CNTN5: variants seen among roughly 807,000 people sequenced by gnomAD.
CNTN5 encodes contactin 5.
CNTN5 carries 77 observed loss-of-function variants against 129.1 expected under a neutral mutation model. The observed-to-expected ratio is 0.60, with a 90% CI of 0.50 to 0.72. The LOEUF is 0.72. CNTN5 is among the 30% of genes least tolerant of loss of function. CNTN5 has a pLI of 0.00. For missense variants in CNTN5, 1,478 were observed against 1,328.8 expected, an observed-to-expected ratio of 1.11 and a Z score of -1.75; for synonymous variants, 509 against 465.6, an observed-to-expected ratio of 1.09 and a Z score of -1.20.
chr11:99,052,936 C>T (rs1337661528), intron 1 of CNTN5, among the ~76,000 whole-genome samples: 2 of 151,774 alleles, frequency 1.3e-5, no homozygotes, highest in African/African-American at 2.4e-5. Context: ...GCAGCAACTA[C>T]AAATTAAACT....
intron 3 of CNTN5, among the ~76,000 whole-genome samples, chr11:99,770,296 A>G (rs74554076): frequency 0.012 from 1,760 of 152,262 alleles, 35 homozygotes; most frequent in African/African-American, 0.04. Flanking sequence ...ATACAAAGGT[A>G]CATTCAAAGA....
At chr11:99,571,709 G>T (rs1425565910) in intron 3 of CNTN5, among the ~76,000 whole-genome samples, 1 of 152,112 alleles carries the variant, frequency 6.6e-6, no homozygotes, top group Non-Finnish European at 1.5e-5. Context: ...AGGCAAAAAA[G>T]GTTTATCATA....
intron 3 of CNTN5, among the ~76,000 whole-genome samples, chr11:99,594,154 A>G (rs1950058682): frequency 6.6e-6 from 1 of 152,172 alleles, no homozygotes. Flanking sequence ...TAATGGATTC[A>G]GCAGATAGTG....
At chr11:99,262,940 T>C (rs755771369) in intron 1 of CNTN5, among the ~76,000 whole-genome samples, 1 of 152,042 alleles carries the variant, frequency 6.6e-6, no homozygotes, top group African/African-American at 2.4e-5. Flanking sequence ...GGATGAAGGC[T>C]GGATGGGTTT....
intron 3 of CNTN5, among the ~76,000 whole-genome samples, chr11:99,567,224 A>G (rs1167340281): frequency 6.6e-6 from 1 of 152,182 alleles, no homozygotes; most frequent in Non-Finnish European, 1.5e-5. Context: ...TATGAAGGTG[A>G]GACAAGAGAG....
intron 2 of CNTN5, among the ~76,000 whole-genome samples, chr11:99,503,341 T>A (rs185582374): frequency 2.6e-5 from 4 of 152,310 alleles, no homozygotes. Context: ...TACACAACTA[T>A]GAATAAAGTT....
At chr11:100,087,004 A>G (rs1292361168) in intron 13 of CNTN5, among the ~76,000 whole-genome samples, 1 of 151,744 alleles carries the variant, frequency 6.6e-6, no homozygotes, top group Non-Finnish European at 1.5e-5. Context: ...ATGCAAGAAA[A>G]TAATAAATTC....
intron 2 of CNTN5, among the ~76,000 whole-genome samples, chr11:99,465,894 T>C (rs1246876897): frequency 6.8e-6 from 1 of 147,820 alleles, no homozygotes; most frequent in African/African-American, 2.5e-5. Flanking sequence ...TTTTTTTTTT[T>C]CCTTTGAGAC....
intron 3 of CNTN5, among the ~76,000 whole-genome samples, chr11:99,789,252 T>C (rs1391345653): frequency 6.6e-6 from 1 of 151,926 alleles, no homozygotes; most frequent in Non-Finnish European, 1.5e-5. Flanking sequence ...TACTCAAAAA[T>C]TCATACATAT....
At chr11:99,291,787 C>T (rs993653402) in intron 1 of CNTN5, among the ~76,000 whole-genome samples, 7 of 151,918 alleles carry the variant, frequency 4.6e-5, no homozygotes, top group Non-Finnish European at 8.8e-5. Context: ...GTTGACTGAG[C>T]TTAGTGGATT....
At chr11:99,191,678 A>G (rs1168064428) in intron 1 of CNTN5, among the ~76,000 whole-genome samples, 2 of 151,872 alleles carry the variant, frequency 1.3e-5, no homozygotes, top group African/African-American at 4.8e-5. Flanking sequence ...GAAAATTCAC[A>G]AATACATCAC....
intron 1 of CNTN5, among the ~76,000 whole-genome samples, chr11:99,284,649 G>A (rs967092055): frequency 3.6e-5 from 4 of 110,834 alleles, no homozygotes; most frequent in African/African-American, 1.3e-4. Context: ...GTGTGTGTGT[G>A]TGTGTGTGTG....
chr11:100,322,441 C>T (rs1413584898), intron 21 of CNTN5, among the ~76,000 whole-genome samples: 1 of 152,172 alleles, frequency 6.6e-6, no homozygotes, highest in Non-Finnish European at 1.5e-5. Flanking sequence ...CCAGGATGGT[C>T]TCGATCTCCT....
chr11:99,896,017 T>C (rs992324197), intron 6 of CNTN5, among the ~76,000 whole-genome samples: 3 of 152,170 alleles, frequency 2.0e-5, no homozygotes, highest in Non-Finnish European at 2.9e-5. Context: ...CTGAATTTCC[T>C]GAACACTGCA....
At chr11:99,487,840 G>A (rs1945876069) in intron 2 of CNTN5, among the ~76,000 whole-genome samples, 1 of 152,144 alleles carries the variant, frequency 6.6e-6, no homozygotes, top group Non-Finnish European at 1.5e-5. Context: ...TTAAGAATAA[G>A]TTCTCTCCCA....
chr11:99,546,733 G>T (rs1009280077), intron 2 of CNTN5, among the ~76,000 whole-genome samples: 1 of 152,062 alleles, frequency 6.6e-6, no homozygotes, highest in Non-Finnish European at 1.5e-5. Flanking sequence ...ATACTTTGCG[G>T]TCTGGCCTTC....
At chr11:99,062,055 T>C (rs1259023744) in intron 1 of CNTN5, among the ~76,000 whole-genome samples, 8 of 152,036 alleles carry the variant, frequency 5.3e-5, no homozygotes, top group African/African-American at 1.4e-4. Context: ...CCAGTGCCTC[T>C]TGATTAAATT....
chr11:100,277,991 G>A (rs140335213), intron 18 of CNTN5, among the ~76,000 whole-genome samples: 42 of 152,082 alleles, frequency 2.8e-4, no homozygotes, highest in African/African-American at 9.6e-4. Context: ...TTTTTATATG[G>A]CAAGGTATAA....
intron 16 of CNTN5, among the ~76,000 whole-genome samples, chr11:100,234,999 T>C (rs1198810850): frequency 6.6e-6 from 1 of 152,154 alleles, no homozygotes; most frequent in African/African-American, 2.4e-5. Context: ...GCTAAAATTC[T>C]TTAACTCTTT....
Sources: gnomAD v4.1 joint callset for allele counts (sites outside exome capture counted in the v4.1 genomes callset) on GRCh38, gnomAD v4.1.1 for gene constraint, MANE v1.5 for transcripts, NCBI Gene and HGNC (gene_info 2026-07-23, HGNC 2026-07-21) for gene names.